The following TAPBPL variants were observed in gnomAD, a reference collection of about 807,000 sequenced individuals.
TAPBPL encodes tapasin-related protein.
TAPBPL carries 32 observed loss-of-function variants against 44.8 expected under a neutral mutation model. That is an observed-to-expected ratio of 0.71 (90% CI 0.54 to 0.96). TAPBPL has a LOEUF of 0.96. Among genes scored for constraint, TAPBPL ranks in the 40% least tolerant of loss-of-function variants. The probability of loss-of-function intolerance (pLI) is 0.00; values close to 1 mark genes in which losing one functional copy is unlikely to be tolerated. For missense variants in TAPBPL, 520 were observed against 586.6 expected (o/e 0.89, Z 1.17); for synonymous variants, 230 against 240.7 (o/e 0.96, Z 0.41).
rs1328179122 is a variant in TAPBPL at position 6,462,021 on chromosome 12, T to C, written c.1292-13T>C. 7 of 1,606,400 alleles carry C rather than the reference T, an allele frequency of 4.4e-6. No homozygotes were observed. Among genetic ancestry groups the C allele is most frequent in the Admixed American group, 1.7e-5 (1 of 59,034 alleles). On this transcript the variant is annotated splice_polypyrimidine_tract_variant and intron_variant, in intron 6 of 6. Coordinates refer to ENST00000266556, the MANE Select transcript of TAPBPL (RefSeq NM_018009.5). ...TGCCCACGCAACTTCCTGTCTTCAC[T>C]TCCTCTTACCAGCACCTACAGGACT...
At chr12:6,462,741 C>A (rs1949910726), downstream of TAPBPL, 2 of 1,352,294 alleles carry the variant, frequency 1.5e-6, no homozygotes, top group East Asian at 2.4e-5. Flanking sequence ...CCAGCGGTGA[C>A]CCCCTGCATT....
chr12:6,470,763 C>G (rs1028983839), downstream of TAPBPL: 5 of 597,652 alleles, frequency 8.4e-6, no homozygotes, highest in East Asian at 1.4e-4. Flanking sequence ...AATCCATGCC[C>G]AGGACGGTCG....
chr12:6,457,659 CACTAT>C lies in TAPBPL; in HGVS notation c.822_826del (p.Ile275GlyfsTer29), dbSNP rs772547574. ...ATGCCTCCCTCACCCTGCCCGGCCTCACTATACAGGACGAGGGGACCTACATTTGC... is the reference window on the plus strand; with the variant it reads ...ATGCCTCCCTCACCCTGCCCGGCCTCACAGGACGAGGGGACCTACATTTGC... On this transcript the variant is annotated frameshift_variant, in exon 4 of 7. Transcript: ENST00000266556. LOFTEE classifies it high-confidence loss of function. The C allele has an allele frequency of 3.1e-6, 5 of 1,614,188 alleles. No individual in the cohort carries two copies. In the South Asian group the frequency reaches 5.5e-5, roughly 18 times the overall value.
chr12:6,458,976 C>A, intron 5 of TAPBPL, 29 bp downstream of exon 5: 1 of 1,604,002 alleles, frequency 6.2e-7, no homozygotes, highest in South Asian at 1.1e-5. Flanking sequence ...TTTTCCCCAC[C>A]TCCACACTAG....
At chr12:6,459,943 C>T (rs1949805895) in intron 5 of TAPBPL, among the ~76,000 whole-genome samples, 2 of 151,126 alleles carry the variant, frequency 1.3e-5, no homozygotes, top group East Asian at 3.9e-4. Flanking sequence ...GCTAATTTTG[C>T]GTTTTTAGTA....
chr12:6,456,160 T>G (rs1001493116), intron 3 of TAPBPL, among the ~76,000 whole-genome samples: 2 of 152,052 alleles, frequency 1.3e-5, no homozygotes, highest in African/African-American at 4.8e-5. Flanking sequence ...AGTACACAAT[T>G]CAAACAAGAA....
chr12:6,461,023 C>T, intron 6 of TAPBPL, 85 bp downstream of exon 6: 7 of 1,584,128 alleles, frequency 4.4e-6, no homozygotes, highest in South Asian at 1.1e-5. Flanking sequence ...GGTGGAAGCC[C>T]AGATGCCCCA....
intron 1 of TAPBPL, chr12:6,452,707 C>G: frequency 1.2e-6 from 1 of 835,822 alleles, no homozygotes. Flanking sequence ...CTGTCAGTGC[C>G]CCAGCAACAG....
Position 6,458,683 on chromosome 12 carries a change from C to T in TAPBPL, c.943C>T (p.Leu315=). 6.2e-7 allele frequency: 1 copy of T among 1,614,194 alleles called. No individual in the cohort carries two copies. The highest frequency in any genetic ancestry group is 8.5e-7 in the Non-Finnish European group (1 of 1,180,024). ...ACGACTGAGCTTGGCAAACGAAGCTCTGCTGCCCACCCTCATCTGCGACAT... is the reference window on the plus strand; with the variant it reads ...ACGACTGAGCTTGGCAAACGAAGCTTTGCTGCCCACCCTCATCTGCGACAT... ...KVRLSLANEA[L]LPTLICDIAG... Residue 315 remains leucine (L), a synonymous_variant, in exon 5 of 7, where the codon CTG becomes TTG. Transcript: ENST00000266556.
chr12:6,464,881 G>A (rs771796946), downstream of TAPBPL: 57 of 1,613,880 alleles, frequency 3.5e-5, no homozygotes, highest in South Asian at 2.9e-4. Flanking sequence ...CAACTTCAGC[G>A]ATACTTACTT....
At chr12:6,470,497 AGGT>A, downstream of TAPBPL, 1 of 1,613,826 alleles carries the variant, frequency 6.2e-7, no homozygotes, top group Non-Finnish European at 8.5e-7. Flanking sequence ...GTTGTCAAGG[AGGT>A]GCCGAGCCCC....
chr12:6,467,555 C>T (rs11064210), downstream of TAPBPL, among the ~76,000 whole-genome samples: 21,977 of 152,144 alleles, frequency 0.14, 2,010 homozygotes, highest in Non-Finnish European at 0.21. Context: ...GAAGAAAAGA[C>T]GCAGTACTAA....
chr12:6,470,736 T>A, downstream of TAPBPL: 1 of 649,072 alleles, frequency 1.5e-6, no homozygotes. Flanking sequence ...CGGATAACGG[T>A]GACAACCCCG....
downstream of TAPBPL, among the ~76,000 whole-genome samples, chr12:6,465,637 C>T (rs1312890466): frequency 3.3e-5 from 5 of 151,690 alleles, no homozygotes; most frequent in African/African-American, 9.7e-5. Context: ...TCCCTGATAG[C>T]GGTTCTAAAT....
At position 6,460,943 on chromosome 12, in the gene TAPBPL, G is replaced by C. The variant is rs369549787; in HGVS notation, c.1291+5G>C. 14 of 1,614,074 alleles carry C rather than the reference G, an allele frequency of 8.7e-6. No individual in the cohort carries two copies. The highest frequency in any genetic ancestry group is 1.2e-5 in the Non-Finnish European group (14 of 1,179,986). ...TGGGGCTTCAGAGACGGCAAGGTAAGAGCCTGGGTGCCCTTGGCTCTGGCC... is the reference window on the plus strand; with the variant it reads ...TGGGGCTTCAGAGACGGCAAGGTAACAGCCTGGGTGCCCTTGGCTCTGGCC... On this transcript the variant is annotated splice_donor_5th_base_variant and intron_variant, in intron 6 of 6. Transcript: ENST00000266556.
At chr12:6,462,740 AC>A, downstream of TAPBPL, 1 of 1,335,422 alleles carries the variant, frequency 7.5e-7, no homozygotes, top group Non-Finnish European at 1.0e-6. Flanking sequence ...TCCAGCGGTG[AC>A]CCCCTGCATT....
Position 6,458,687 on chromosome 12 carries a change from T to C in TAPBPL, c.947T>C (p.Leu316Pro). ...CTGAGCTTGGCAAACGAAGCTCTGC[T>C]GCCCACCCTCATCTGCGACATTGCT... The part of the protein sequence containing the change: ...VRLSLANEAL[L>P]PTLICDIAGY... The change falls in exon 5 of 7, where the codon CTG becomes CCG. Residue 316 changes from leucine (L) to proline (P), a missense_variant. Physicochemically the swap from Leu to Pro is moderately conservative, Grantham distance 98. Transcript: ENST00000266556. The C allele has an allele frequency of 6.2e-7, 1 of 1,614,188 alleles. No homozygotes were observed. The highest frequency in any genetic ancestry group is 8.5e-7 in the Non-Finnish European group (1 of 1,180,020).
At chr12:6,470,967 A>C (rs1565530356), downstream of TAPBPL, 1 of 182,492 alleles carries the variant, frequency 5.5e-6, no homozygotes, top group Non-Finnish European at 1.2e-5. Context: ...GCGCTTCAGC[A>C]GTTTGTTAGG....
At chr12:6,455,763 CTTTTTTTT>C (rs374886698) in intron 3 of TAPBPL, among the ~76,000 whole-genome samples, 22 of 136,958 alleles carry the variant, frequency 1.6e-4, no homozygotes, top group Non-Finnish European at 2.3e-4. Flanking sequence ...GCGAGACCCT[CTTTTTTTT>C]TTTTTTTTTT....
Sources: gnomAD v4.1 joint callset for allele counts (sites outside exome capture counted in the v4.1 genomes callset) on GRCh38, gnomAD v4.1.1 for gene constraint, MANE v1.5 for transcripts, NCBI Gene and HGNC (gene_info 2026-07-23, HGNC 2026-07-21) for gene names.